Variants in CLEC1A observed in about 807,000 individuals in gnomAD.
The protein encoded by CLEC1A is C-type lectin domain family 1 member A.
Under a neutral mutation model 28.7 loss-of-function variants are expected in CLEC1A, and 34 were observed. The ratio of observed to expected loss-of-function variants is 1.18; its 90% CI spans 0.90 to 1.57. The LOEUF (loss-of-function observed/expected upper bound fraction) is 1.57. Ranked by LOEUF, CLEC1A falls within the 40% of genes most tolerant of loss-of-function variation. The pLI is 0.00. For synonymous variants in CLEC1A, 116 were observed against 121.0 expected, an observed-to-expected ratio of 0.96 and a Z score of 0.27; for missense variants, 385 against 339.5, an observed-to-expected ratio of 1.13 and a Z score of -1.05.
intron 1 of CLEC1A, among the ~76,000 whole-genome samples, chr12:10,095,108 A>G (rs1280503846): frequency 1.3e-5 from 2 of 152,140 alleles, no homozygotes; most frequent in Non-Finnish European, 2.9e-5. Flanking sequence ...TACATCCCAT[A>G]ATGTCTTGTC....
chr12:10,089,288 G>A, intron 1 of CLEC1A, 66 bp from the exon 2 acceptor site: 1 of 1,310,182 alleles, frequency 7.6e-7, no homozygotes, highest in Non-Finnish European at 1.1e-6. Context: ...GTCAATAACA[G>A]GTAAGGGAGT....
At position 10,077,743 on chromosome 12, in the gene CLEC1A, A is replaced by G. The variant is rs181357950; in HGVS notation, c.392-2088T>C. Among the ~76,000 whole-genome samples, 458 of 152,274 alleles carry G rather than the reference A, an allele frequency of 3.0e-3. 4 individuals carry two copies. The highest frequency in any genetic ancestry group is 5.4e-3 in the Non-Finnish European group (369 of 68,012). ...ATACATGAAAATATGTCATCCAAAGAAAAGGCTAATCGTCTTTTTTTTTCT... is the reference window on the plus strand; with the variant it reads ...ATACATGAAAATATGTCATCCAAAGGAAAGGCTAATCGTCTTTTTTTTTCT... On this transcript the variant is annotated intron_variant, in intron 3 of 5. Transcript: ENST00000315330.
intron 1 of CLEC1A, among the ~76,000 whole-genome samples, chr12:10,098,396 G>A (rs1012178306): frequency 6.6e-6 from 1 of 152,066 alleles, no homozygotes; most frequent in Non-Finnish European, 1.5e-5. Flanking sequence ...AGCACATAAT[G>A]AGCCCTTTAT....
intron 1 of CLEC1A, 33 bp from the exon 2 acceptor site, chr12:10,089,255 C>T (rs1354972609): frequency 1.9e-6 from 3 of 1,566,924 alleles, no homozygotes; most frequent in Middle Eastern, 1.7e-4. Context: ...CAGAGTTTGG[C>T]TTTTTCTTCC....
chr12:10,073,303 T>C lies in CLEC1A; in HGVS notation c.652A>G (p.Thr218Ala), dbSNP rs769100723. 5 of 1,610,194 alleles carry C rather than the reference T, an allele frequency of 3.1e-6. No individual in the cohort carries two copies. The South Asian group carries it at 4.4e-5, about 14-fold the overall frequency. The change falls in exon 5 of 6, where the codon ACT becomes GCT. Residue 218 changes from threonine to alanine, a missense_variant. Physicochemically the swap from Thr to Ala is moderately conservative, Grantham distance 58. Transcript: ENST00000315330. The part of the protein sequence containing the change: ...AWLWMDGTPF[T>A]SELFHIIIDV... ...ATCCTGAAGGCTTACAGTTCAGAAG[T>C]GAAAGGGGTTCCATCCATCCACAGC...
chr12:10,075,641 G>C lies in CLEC1A; in HGVS notation c.406C>G (p.Pro136Ala). Residue 136 changes from proline to alanine, a missense_variant, in exon 4 of 6, where the codon CCT becomes GCT. Physicochemically the swap from Pro to Ala is conservative, Grantham distance 27 (BLOSUM62 -1). Coordinates refer to ENST00000315330, the MANE Select transcript of CLEC1A (RefSeq NM_016511.4). ...YNKAGAHRCS[P>A]CTEQWKWHGD... ...TGCCATTTCCATTGTTCTGTACAAG[G>C]GCTGCACCTGTGTGCTTGGAAAAAA... The C allele has an allele frequency of 1.9e-6, 3 of 1,613,350 alleles. No individual in the cohort carries two copies. Among genetic ancestry groups the C allele is most frequent in the Non-Finnish European group, 2.5e-6 (3 of 1,179,646 alleles).
In CLEC1A at chr12:10,087,472, T is replaced by TTATATATATA. The variant is rs200437169; in HGVS notation, c.214+1642_214+1651dup. ...GGCATATAAAGGACATACCTCAAAG[T>TTATATATATA]TATATATATATATATATATATATAT... On this transcript the variant is annotated intron_variant, in intron 2 of 5. Transcript: ENST00000315330. 5.3e-4 allele frequency among the ~76,000 whole-genome samples: 40 copies of TTATATATATA among 75,176 alleles called. No homozygotes were observed. In the East Asian group the frequency reaches 7.1e-3, roughly 13 times the overall value. The allele number at this position is 75,176 out of a possible 152,430, so 49.3% of individuals were successfully genotyped here.
chr12:10,080,110 A>T (rs1478847639), intron 3 of CLEC1A, among the ~76,000 whole-genome samples: 1 of 152,126 alleles, frequency 6.6e-6, no homozygotes, highest in East Asian at 1.9e-4. Flanking sequence ...GGAGTTCAAG[A>T]CCAGCCTGCC....
chr12:10,096,463 T>C (rs1023201917), intron 1 of CLEC1A, among the ~76,000 whole-genome samples: 13 of 152,308 alleles, frequency 8.5e-5, no homozygotes, highest in East Asian at 1.9e-4. Flanking sequence ...GTGGAAAAAT[T>C]TGGTATCAGC....
intron 3 of CLEC1A, 26 bp from the exon 4 acceptor site, chr12:10,075,681 T>C: frequency 1.9e-6 from 3 of 1,609,262 alleles, no homozygotes; most frequent in Non-Finnish European, 2.5e-6. Flanking sequence ...ATTTTATTGT[T>C]ATTTTCTGCA....
Position 10,071,181 on chromosome 12 carries a change from G to A in CLEC1A, c.*152C>T, listed in dbSNP as rs768213361. On this transcript the variant is annotated 3_prime_UTR_variant, in exon 6 of 6. Coordinates refer to ENST00000315330, the MANE Select transcript of CLEC1A (RefSeq NM_016511.4). ...CGTGCATAAACCCAAGCTCAGAAAT[G>A]CTGGTGATCCTGAACAGGAAACACG... 31 of 657,824 alleles carry A rather than the reference G, an allele frequency of 4.7e-5. No homozygotes were observed. The highest frequency in any genetic ancestry group is 7.2e-5 in the Non-Finnish European group (29 of 404,776). 40.7% of individuals were successfully genotyped at this position (657,824 alleles called of 1,614,324 possible).
chr12:10,093,777 T>C (rs896642826), intron 1 of CLEC1A, among the ~76,000 whole-genome samples: 3 of 152,102 alleles, frequency 2.0e-5, no homozygotes, highest in African/African-American at 7.2e-5. Flanking sequence ...CTGGTGGCAA[T>C]GTACATAATA....
In CLEC1A at chr12:10,089,137, G is replaced by A. The variant is rs761084806; in HGVS notation, c.201C>T (p.Ala67=). ...LCLVLLIGLA[A]LGLLFFQYYQ... is the part of the protein sequence containing the mutation. The stretch of plus-strand genomic sequence containing the variant: ...GCGCAGACTTACACAAAAGCCCCAG[G>A]GCTGCCAGCCCTATCAGCAGCACCA... Residue 67 remains alanine, a synonymous_variant, in exon 2 of 6, where the codon GCC becomes GCT. Coordinates refer to ENST00000315330, the MANE Select transcript of CLEC1A (RefSeq NM_016511.4). The A allele has an allele frequency of 8.7e-6, 14 of 1,613,488 alleles. No homozygotes were observed. In the Admixed American group the frequency reaches 2.3e-4, roughly 27 times the overall value.
At chr12:10,080,669 G>T (rs1378704207) in intron 3 of CLEC1A, among the ~76,000 whole-genome samples, 1 of 152,200 alleles carries the variant, frequency 6.6e-6, no homozygotes, top group African/African-American at 2.4e-5. Flanking sequence ...GAATACACAT[G>T]CACTCACACT....
At chr12:10,081,441 A>C in intron 2 of CLEC1A, 28 bp from the exon 3 acceptor site, 2 of 1,550,388 alleles carry the variant, frequency 1.3e-6, no homozygotes, top group Non-Finnish European at 1.7e-6. Context: ...GTCAGACTGG[A>C]CAGCTTATTT....
chr12:10,095,946 A>T (rs927767293), intron 1 of CLEC1A, among the ~76,000 whole-genome samples: 5 of 152,060 alleles, frequency 3.3e-5, no homozygotes, highest in African/African-American at 1.2e-4. Context: ...ATTCCCTCAG[A>T]TTATCTCCTT....
chr12:10,080,118 G>T lies in CLEC1A; in HGVS notation c.391+1119C>A, dbSNP rs560492479. 2.0e-5 allele frequency among the ~76,000 whole-genome samples: 3 copies of T among 152,260 alleles called. No individual in the cohort carries two copies. In the East Asian group the frequency reaches 5.8e-4, roughly 29 times the overall value. ...GAGGTTGGGAGTTCAAGACCAGCCT[G>T]CCCAACACAGTGAAAACCCATCTCT... On this transcript the variant is annotated intron_variant, in intron 3 of 5. Coordinates refer to ENST00000315330, the MANE Select transcript of CLEC1A (RefSeq NM_016511.4).
chr12:10,085,487 G>A (rs114787567), intron 2 of CLEC1A, among the ~76,000 whole-genome samples: 3,272 of 148,548 alleles, frequency 0.022, 119 homozygotes, highest in African/African-American at 0.076. Context: ...AAAATGAGCC[G>A]GAGTAGCTAT....
chr12:10,078,676 A>G (rs1329180768), intron 3 of CLEC1A, among the ~76,000 whole-genome samples: 3 of 152,234 alleles, frequency 2.0e-5, no homozygotes, highest in African/African-American at 7.2e-5. Flanking sequence ...TACTAAAATA[A>G]GGAACGTTGG....
Sources: allele counts gnomAD v4.1 joint callset (sites outside exome capture counted in the v4.1 genomes callset), GRCh38; gene constraint gnomAD v4.1.1; transcripts MANE v1.5; gene names NCBI Gene and HGNC (gene_info 2026-07-23, HGNC 2026-07-21).